Variants in RSF1 observed in about 807,000 individuals in gnomAD.
The protein encoded by RSF1 is remodeling and spacing factor 1, also known as HBV pX-associated protein 8.
RSF1 carries 13 observed loss-of-function variants against 145.2 expected under a neutral mutation model. The observed-to-expected ratio is 0.09, with a 90% CI of 0.06 to 0.14. RSF1 has a LOEUF of 0.14. Ranked by LOEUF, RSF1 falls within the 10% of genes least tolerant of loss-of-function variation. RSF1 has a pLI of 1.00. For missense variants in RSF1, 1,517 were observed against 1,718.2 expected, an observed-to-expected ratio of 0.88 and a Z score of 2.07; for synonymous variants, 577 against 592.6, an observed-to-expected ratio of 0.97 and a Z score of 0.38.
At chr11:77,770,147 T>A (rs1948267515) in intron 1 of RSF1, among the ~76,000 whole-genome samples, 2 of 152,226 alleles carry the variant, frequency 1.3e-5, no homozygotes, top group Admixed American at 1.3e-4. Context: ...GAACTGTAAC[T>A]TAGACGATCA....
intron 7 of RSF1, among the ~76,000 whole-genome samples, 197 bp from the exon 8 acceptor site, chr11:77,693,808 A>G (rs367697032): frequency 1.0e-5 from 1 of 99,416 alleles, no homozygotes; most frequent in Non-Finnish European, 2.4e-5. Context: ...TTTATTTGAC[A>G]GAGTCTCGCT....
chr11:77,746,319 A>C (rs372013717), intron 3 of RSF1, among the ~76,000 whole-genome samples: 70 of 152,216 alleles, frequency 4.6e-4, no homozygotes, highest in African/African-American at 1.6e-3. Context: ...TCCAACAGCA[A>C]TCAACATCTA....
In RSF1 at chr11:77,795,420, G is replaced by GAGAC. The variant is rs1237839239; in HGVS notation, c.187+25104_187+25107dup. Among the ~76,000 whole-genome samples the GAGAC allele has an allele frequency of 5.3e-5, 8 of 152,242 alleles. No individual in the cohort carries two copies. In the South Asian group the frequency reaches 1.2e-3, roughly 24 times the overall value. The stretch of plus-strand genomic sequence containing the variant: ...TCCTGAGCAAAAGGATCCAAACAGA[G>GAGAC]AGACAGCTGTCAACAAAGCTGGGGG... On this transcript the variant is annotated intron_variant, in intron 1 of 15. Coordinates refer to ENST00000308488, the MANE Select transcript of RSF1 (RefSeq NM_016578.4).
rs1381728921 is a variant in RSF1 at position 77,663,928 on chromosome 11, T to G, written c.*2989A>C. On this transcript the variant is annotated 3_prime_UTR_variant, in exon 16 of 16. Coordinates refer to ENST00000308488, the MANE Select transcript of RSF1 (RefSeq NM_016578.4). ...AACTTGTATTTCAACAAGGGGGGTT[T>G]AAATTATTAAAGGGCTCTATTATGT... 1 of 152,158 alleles carries G rather than the reference T, an allele frequency of 6.6e-6. No homozygotes were observed. Among genetic ancestry groups the G allele is most frequent in the Non-Finnish European group, 1.5e-5 (1 of 68,016 alleles). The allele number at this position is 152,158 out of a possible 1,614,324, so 9.4% of individuals were successfully genotyped here.
At chr11:77,838,317 T>C in the RSF1 span, among the ~76,000 whole-genome samples, 1 of 152,214 alleles carries the variant, frequency 6.6e-6, no homozygotes, top group African/African-American at 2.4e-5. Context: ...CTTGTAGATA[T>C]GGTTAACATC....
At chr11:77,749,325 A>G (rs562574250) in intron 2 of RSF1, among the ~76,000 whole-genome samples, 37 of 152,334 alleles carry the variant, frequency 2.4e-4, no homozygotes, top group African/African-American at 8.9e-4. Flanking sequence ...AAATTTAAAA[A>G]AAAGAAAGAC....
At chr11:77,707,778 C>T (rs968961403) in intron 5 of RSF1, among the ~76,000 whole-genome samples, 4 of 152,196 alleles carry the variant, frequency 2.6e-5, no homozygotes, top group Non-Finnish European at 4.4e-5. Flanking sequence ...GCCTGCTTTA[C>T]ACTTGGAAAC....
the RSF1 span, among the ~76,000 whole-genome samples, chr11:77,825,913 A>G: frequency 1.3e-5 from 2 of 151,954 alleles, no homozygotes; most frequent in Non-Finnish European, 2.9e-5. Context: ...GCTGGTCTCA[A>G]ACTCCTGACC....
intron 3 of RSF1, among the ~76,000 whole-genome samples, chr11:77,744,174 A>G (rs1263011966): frequency 6.6e-6 from 1 of 151,870 alleles, no homozygotes; most frequent in East Asian, 1.9e-4. Context: ...AATTACAGAT[A>G]TGTGCCACTA....
intron 2 of RSF1, among the ~76,000 whole-genome samples, chr11:77,759,877 T>C (rs1301013388): frequency 7.3e-6 from 1 of 137,604 alleles, no homozygotes; most frequent in African/African-American, 2.7e-5. Context: ...AAAAAAAGCA[T>C]AGCACTGAGT....
At chr11:77,725,357 TA>T (rs1308991872) in intron 5 of RSF1, among the ~76,000 whole-genome samples, 187 bp downstream of exon 5, 2 of 152,216 alleles carry the variant, frequency 1.3e-5, no homozygotes, top group Non-Finnish European at 2.9e-5. Context: ...ATGTTCTACA[TA>T]AAAGAGCAAC....
At chr11:77,763,639 T>C (rs1352768192) in intron 2 of RSF1, 1 of 152,142 alleles carries the variant, frequency 6.6e-6, no homozygotes, top group African/African-American at 2.4e-5. Flanking sequence ...TATAAAACCA[T>C]ATGACAGTTT....
chr11:77,862,968 C>T, the RSF1 span, among the ~76,000 whole-genome samples: 2 of 152,106 alleles, frequency 1.3e-5, no homozygotes, highest in Non-Finnish European at 2.9e-5. Flanking sequence ...TTGGAGGTCC[C>T]TTCATGGTTG....
chr11:77,701,463 T>C lies in RSF1; in HGVS notation c.1766A>G (p.Glu589Gly), dbSNP rs1023937112. Residue 589 changes from glutamate to glycine, a missense_variant, in exon 6 of 16, where the codon GAG (glutamate) becomes GGG (glycine). Glu to Gly is a moderately conservative substitution (Grantham distance 98). Coordinates refer to ENST00000308488, the MANE Select transcript of RSF1 (RefSeq NM_016578.4). ...PPILECLEKL[E>G]KSKKTFLDKD... ...ATCAAGAAAAGTCTTTTTGGACTTC[T>C]CTAACTTTTCAAGACATTCTAGGAT... 1.2e-6 allele frequency: 2 copies of C among 1,614,180 alleles called. No individual in the cohort carries two copies. The highest frequency in any genetic ancestry group is 1.7e-6 in the Non-Finnish European group (2 of 1,180,016).
At chr11:77,829,004 G>C in the RSF1 span, among the ~76,000 whole-genome samples, 4 of 152,202 alleles carry the variant, frequency 2.6e-5, no homozygotes, top group African/African-American at 9.6e-5. Context: ...TCAAGATTGT[G>C]TGTAGTAATG....
chr11:77,684,988 G>A (rs931182312), intron 10 of RSF1, 117 bp downstream of exon 10: 22 of 459,490 alleles, frequency 4.8e-5, no homozygotes, highest in South Asian at 3.9e-4. Flanking sequence ...ACTCCATCTC[G>A]AAATAAATAA....
At chr11:77,842,056 ATCT>A in the RSF1 span, among the ~76,000 whole-genome samples, 8 of 152,182 alleles carry the variant, frequency 5.3e-5, no homozygotes, top group East Asian at 1.2e-3. Context: ...AAATTCAGCG[ATCT>A]TCATGAATAA....
intron 1 of RSF1, among the ~76,000 whole-genome samples, chr11:77,765,380 T>C (rs1948215416): frequency 6.6e-6 from 1 of 152,212 alleles, no homozygotes; most frequent in African/African-American, 2.4e-5. Context: ...AACTTCTCTG[T>C]AGCATTTCTA....
intron 6 of RSF1, among the ~76,000 whole-genome samples, chr11:77,699,646 A>G (rs1056081434): frequency 6.6e-6 from 1 of 152,212 alleles, no homozygotes; most frequent in African/African-American, 2.4e-5. Flanking sequence ...GCACTGTCAT[A>G]CACTGGTAAT....
Sources: allele counts gnomAD v4.1 joint callset (sites outside exome capture counted in the v4.1 genomes callset), GRCh38; gene constraint gnomAD v4.1.1; transcripts MANE v1.5; gene names NCBI Gene and HGNC (gene_info 2026-07-23, HGNC 2026-07-21).